USH2A: variants seen among roughly 807,000 people sequenced by gnomAD.
The protein encoded by USH2A is Usher syndrome 2A (autosomal recessive, mild).
In USH2A, 443 loss-of-function variants were observed where a neutral mutation model predicts 538.9. That is an observed-to-expected ratio of 0.82 (90% confidence interval 0.76 to 0.89). The LOEUF is 0.89. USH2A is among the 40% of genes least tolerant of loss of function. USH2A has a pLI of 0.00. For synonymous variants in USH2A, 2,413 were observed against 2,273.5 expected (o/e 1.06, Z -1.75); for missense variants, 6,633 against 6,324.8 (o/e 1.05, Z -1.65).
chr1:215,825,941 G>A (rs571554080), intron 47 of USH2A, among the ~76,000 whole-genome samples: 1 of 152,156 alleles, frequency 6.6e-6, no homozygotes, highest in Non-Finnish European at 1.5e-5. Flanking sequence ...TGTCCTTGGA[G>A]GAAAATGTGG....
At chr1:216,194,506 C>T (rs961792940) in intron 19 of USH2A, among the ~76,000 whole-genome samples, 3 of 151,878 alleles carry the variant, frequency 2.0e-5, no homozygotes, top group African/African-American at 4.8e-5. Context: ...TTCTTTATAT[C>T]GATAGCATCA....
chr1:215,708,224 T>C (rs1659238013), intron 61 of USH2A, among the ~76,000 whole-genome samples: 1 of 152,210 alleles, frequency 6.6e-6, no homozygotes, highest in South Asian at 2.1e-4. Flanking sequence ...GGTATGTATA[T>C]ATTTTATTTC....
At chr1:215,828,908 C>T (rs1663236718) in intron 47 of USH2A, among the ~76,000 whole-genome samples, 1 of 152,114 alleles carries the variant, frequency 6.6e-6, no homozygotes, top group African/African-American at 2.4e-5. Context: ...CTGTCAGCTG[C>T]AGTGTTTGTC....
At chr1:216,247,608 G>A (rs1270204515) in intron 12 of USH2A, among the ~76,000 whole-genome samples, 1 of 152,070 alleles carries the variant, frequency 6.6e-6, no homozygotes, top group African/African-American at 2.4e-5. Context: ...TTTTTCTAAA[G>A]ATAAGAAATC....
intron 41 of USH2A, among the ~76,000 whole-genome samples, chr1:215,881,053 C>G (rs1420777017): frequency 6.6e-6 from 1 of 152,168 alleles, no homozygotes; most frequent in Non-Finnish European, 1.5e-5. Context: ...CTGCACTGAG[C>G]AGAGATTGCA....
chr1:216,086,693 C>T, intron 24 of USH2A, 26 bp downstream of exon 24: 2 of 1,524,172 alleles, frequency 1.3e-6, no homozygotes, highest in Non-Finnish European at 1.8e-6. Context: ...TGGATGACAA[C>T]ATATAATATA....
intron 37 of USH2A, among the ~76,000 whole-genome samples, chr1:215,953,000 C>T (rs1666962163): frequency 6.6e-6 from 1 of 152,128 alleles, no homozygotes; most frequent in Non-Finnish European, 1.5e-5. Flanking sequence ...AGGAATCCAA[C>T]TTACAAGGGA....
intron 47 of USH2A, among the ~76,000 whole-genome samples, chr1:215,829,407 T>A (rs1365931673): frequency 6.6e-6 from 1 of 152,166 alleles, no homozygotes. Flanking sequence ...TATCTGTATG[T>A]TATTGAAATA....
At position 215,625,139 on chromosome 1, in the gene USH2A, AG is replaced by A. The variant is rs775230127; in HGVS notation, c.*641del. The A allele has an allele frequency of 1.3e-5, 2 of 152,788 alleles. No individual in the cohort carries two copies. The highest frequency in any genetic ancestry group is 2.9e-5 in the Non-Finnish European group (2 of 68,402). 9.5% of individuals were successfully genotyped at this position (152,788 alleles called of 1,614,324 possible). A position where few individuals can be genotyped will look rare whatever the true frequency, so the allele number is the denominator to read the frequency against. On this transcript the variant is annotated 3_prime_UTR_variant, in exon 72 of 72. Coordinates refer to ENST00000307340, the MANE Select transcript of USH2A (RefSeq NM_206933.4). ...GCAAGAACAGAGACATTTATGTGTA[AG>A]TTATGTGTTGCCTTGTCAAAAAGTT...
rs1393997482 is a variant in USH2A at position 215,697,604 on chromosome 1, C to T, written c.12067-17228G>A. On this transcript the variant is annotated intron_variant, in intron 61 of 71. Coordinates refer to ENST00000307340, the MANE Select transcript of USH2A (RefSeq NM_206933.4). Reference sequence around the variant, plus strand: ...TGGCACGATCTCGGCTCACTGCAATCTCCGCCTCCCGGGTTCAAGCAATTC... The same window carrying T: ...TGGCACGATCTCGGCTCACTGCAATTTCCGCCTCCCGGGTTCAAGCAATTC... 2.6e-5 allele frequency among the ~76,000 whole-genome samples: 4 copies of T among 152,262 alleles called. No individual in the cohort carries two copies. The East Asian group carries it at 5.8e-4, about 22-fold the overall frequency.
At chr1:216,001,157 T>C (rs1323659720) in intron 32 of USH2A, among the ~76,000 whole-genome samples, 1 of 152,176 alleles carries the variant, frequency 6.6e-6, no homozygotes, top group Non-Finnish European at 1.5e-5. Context: ...TCTTTGTACA[T>C]ACTTTTAGCT....
intron 41 of USH2A, among the ~76,000 whole-genome samples, chr1:215,881,944 T>C (rs7516705): frequency 0.32 from 48,225 of 152,028 alleles, 7,827 homozygotes; most frequent in Admixed American, 0.43. Context: ...CTAAAAAGAA[T>C]CATGGCACCT....
chr1:216,154,064 T>A (rs911578921), intron 21 of USH2A, among the ~76,000 whole-genome samples: 1 of 152,212 alleles, frequency 6.6e-6, no homozygotes, highest in Admixed American at 6.5e-5. Flanking sequence ...AGAGGTGCAG[T>A]AGCTTCAAGG....
At chr1:215,989,210 C>A (rs577229722) in intron 35 of USH2A, among the ~76,000 whole-genome samples, 13 of 152,224 alleles carry the variant, frequency 8.5e-5, no homozygotes, top group African/African-American at 2.2e-4. Flanking sequence ...AACAAACATA[C>A]CTTTAGGTAC....
In USH2A at chr1:216,198,403, T is replaced by C. The variant is rs780048824; in HGVS notation, c.3993A>G (p.Pro1331=). The change falls in exon 18 of 72, where the codon CCA becomes CCG. Residue 1331 remains proline (P), a synonymous_variant. Transcript: ENST00000307340. ...QTMTTITGLE[P]YTKYEFRVLA... ...AGACTCTGAACTCATACTTGGTGTA[T>C]GGCTCCAAGCCAGTGATGGTTGTCA... 3.1e-6 allele frequency: 5 copies of C among 1,614,068 alleles called. No homozygotes were observed. Among genetic ancestry groups the C allele is most frequent in the Admixed American group, 3.3e-5 (2 of 60,008 alleles).
Position 215,624,216 on chromosome 1 carries a change from C to G in USH2A, c.*1565G>C, listed in dbSNP as rs1221549545. 1 of 152,146 alleles carries G rather than the reference C, an allele frequency of 6.6e-6. No homozygotes were observed. Among genetic ancestry groups the G allele is most frequent in the Non-Finnish European group, 1.5e-5 (1 of 68,014 alleles). The allele number at this position is 152,146 out of a possible 1,614,324, so 9.4% of individuals were successfully genotyped here. On this transcript the variant is annotated 3_prime_UTR_variant, in exon 72 of 72. Transcript: ENST00000307340. ...CAGTTCTAATAAGGTGGTAGAACTTCTGCTTAATACTGGCCTGTGCTTTTG... is the reference window on the plus strand; with the variant it reads ...CAGTTCTAATAAGGTGGTAGAACTTGTGCTTAATACTGGCCTGTGCTTTTG...
chr1:216,345,491 G>C (rs1378539451), intron 4 of USH2A, among the ~76,000 whole-genome samples: 1 of 152,082 alleles, frequency 6.6e-6, no homozygotes, highest in Non-Finnish European at 1.5e-5. Flanking sequence ...CCAGCAAAAG[G>C]GTAAGAATTT....
At chr1:216,266,916 A>G (rs367700835) in intron 11 of USH2A, among the ~76,000 whole-genome samples, 1 of 151,864 alleles carries the variant, frequency 6.6e-6, no homozygotes, top group African/African-American at 2.4e-5. Flanking sequence ...GAAGATAAAG[A>G]TAATTAAATT....
chr1:216,027,685 A>G (rs369132990), intron 32 of USH2A, among the ~76,000 whole-genome samples: 1 of 152,112 alleles, frequency 6.6e-6, no homozygotes. Flanking sequence ...CCTCAAATTC[A>G]CTAGTTCACA....
Sources: gnomAD v4.1 joint callset for allele counts (sites outside exome capture counted in the v4.1 genomes callset) on GRCh38, gnomAD v4.1.1 for gene constraint, MANE v1.5 for transcripts, NCBI Gene and HGNC (gene_info 2026-07-23, HGNC 2026-07-21) for gene names.